ORC1: variants seen among roughly 807,000 people sequenced by gnomAD.
ORC1 encodes origin recognition complex subunit 1, also known as origin recognition complex, subunit 1 homolog.
Under a neutral mutation model 98.9 loss-of-function variants are expected in ORC1, and 61 were observed. That is an observed-to-expected ratio of 0.62 (90% CI 0.50 to 0.76). The LOEUF is 0.76. Ranked by LOEUF, ORC1 falls within the 30% of genes least tolerant of loss-of-function variation. The pLI, the probability that ORC1 is intolerant of heterozygous loss-of-function variation, is 0.00. For missense variants in ORC1, 979 were observed against 1,072.2 expected, an observed-to-expected ratio of 0.91 and a Z score of 1.21; for synonymous variants, 385 against 406.9, an observed-to-expected ratio of 0.95 and a Z score of 0.65.
chr1:52,393,952 G>T, intron 5 of ORC1, 149 bp from the exon 6 acceptor site: 1 of 847,554 alleles, frequency 1.2e-6, no homozygotes. Flanking sequence ...CTCCAGCCCA[G>T]GTAGCTCTAA....
intron 16 of ORC1, 32 bp from the exon 17 acceptor site, chr1:52,373,407 G>C: frequency 6.3e-7 from 1 of 1,577,816 alleles, no homozygotes; most frequent in South Asian, 1.1e-5. Flanking sequence ...AAGGTTAAGA[G>C]GAAATACAAT....
rs192392819 is a variant in ORC1, at chr1:52,373,196, C to T, written c.2571G>A (p.Ala857=). 4.1e-5 allele frequency: 66 copies of T among 1,614,142 alleles called. No homozygotes were observed. The East Asian group carries it at 1.0e-3, about 25-fold the overall frequency. Residue 857 remains alanine (A), a synonymous_variant, in exon 17 of 17, where the codon GCG becomes GCA. Coordinates refer to ENST00000371568, the MANE Select transcript of ORC1 (RefSeq NM_004153.4). The part of the protein sequence containing the change: ...LNVSQDDVLY[A]LKDE Reference sequence around the variant, plus strand: ...TGAAGCCCCTTTACTCGTCTTTCAGCGCATACAGCACATCATCCTGGCTGA... The same window carrying T: ...TGAAGCCCCTTTACTCGTCTTTCAGTGCATACAGCACATCATCCTGGCTGA...
At chr1:52,389,459 T>C in intron 6 of ORC1, 138 bp from the exon 7 acceptor site, 1 of 686,452 alleles carries the variant, frequency 1.5e-6, no homozygotes, top group Admixed American at 2.4e-5. Flanking sequence ...ACTTTCTTTC[T>C]GCTAAAAAGT....
upstream of ORC1, among the ~76,000 whole-genome samples, chr1:52,405,095 C>G (rs1647938821): frequency 6.6e-6 from 1 of 152,198 alleles, no homozygotes; most frequent in African/African-American, 2.4e-5. Flanking sequence ...AAGGCTGTCT[C>G]AGTTGGGTGT....
chr1:52,375,528 G>A lies in ORC1; in HGVS notation c.2205C>T (p.Phe735=). The change falls in exon 15 of 17, where the codon TTC becomes TTT. Residue 735 remains phenylalanine (F), a synonymous_variant. Transcript: ENST00000371568. The part of the protein sequence containing the change: ...ICRRATEICE[F]SQQKPDSPGL... The stretch of plus-strand genomic sequence containing the variant: ...CAGGGGAGTCAGGCTTCTGCTGGGA[G>A]AACTCACAGATCTCTGTGGCACGCC... The A allele has an allele frequency of 6.2e-7, 1 of 1,614,154 alleles. No individual in the cohort carries two copies. The highest frequency in any genetic ancestry group is 8.5e-7 in the Non-Finnish European group (1 of 1,180,008).
rs1156993814 is a variant in ORC1 at position 52,374,752 on chromosome 1, T to A, written c.2391+58A>T. On this transcript the variant is annotated intron_variant, in intron 16 of 16. Coordinates refer to ENST00000371568, the MANE Select transcript of ORC1 (RefSeq NM_004153.4). Reference sequence around the variant, plus strand: ...TGTCACACATTCATGGAAATTTCCATGTATTTTAAAAGCGTAAGTCCAAAA... The same window carrying A: ...TGTCACACATTCATGGAAATTTCCAAGTATTTTAAAAGCGTAAGTCCAAAA... 1.5e-5 allele frequency: 17 copies of A among 1,154,206 alleles called. No homozygotes were observed. The Admixed American group carries it at 3.0e-4, about 20-fold the overall frequency. The allele number at this position is 1,154,206 out of a possible 1,614,324, so 71.5% of individuals were successfully genotyped here. A position where few individuals can be genotyped will look rare whatever the true frequency, so the allele number is the denominator to read the frequency against.
At chr1:52,377,633 G>A (rs1020740299) in intron 14 of ORC1, among the ~76,000 whole-genome samples, 1 of 129,054 alleles carries the variant, frequency 7.7e-6, no homozygotes, top group African/African-American at 2.9e-5. Context: ...AATTTATGTT[G>A]TATTTCCTAC....
At chr1:52,379,201 T>C (rs1229645014) in intron 14 of ORC1, among the ~76,000 whole-genome samples, 4 of 151,392 alleles carry the variant, frequency 2.6e-5, no homozygotes, top group Non-Finnish European at 5.9e-5. Context: ...TTAGTGGTGC[T>C]GGAAAGAGGT....
intron 5 of ORC1, among the ~76,000 whole-genome samples, chr1:52,394,410 G>C (rs1647302957): frequency 6.6e-6 from 1 of 152,182 alleles, no homozygotes. Context: ...TTAAACAAAA[G>C]CTGAATGAGG....
At chr1:52,376,528 C>A (rs544088078) in intron 14 of ORC1, among the ~76,000 whole-genome samples, 1 of 151,968 alleles carries the variant, frequency 6.6e-6, no homozygotes, top group African/African-American at 2.4e-5. Context: ...TCCAAGTAAC[C>A]CAGGACACAA....
chr1:52,409,294 A>G (rs1260305319), upstream of ORC1, among the ~76,000 whole-genome samples: 1 of 152,188 alleles, frequency 6.6e-6, no homozygotes, highest in South Asian at 2.1e-4. Context: ...TTCCCCCTAC[A>G]TGTATCATTA....
chr1:52,402,100 C>T (rs746242296), intron 2 of ORC1, 29 bp downstream of exon 2: 8 of 1,531,768 alleles, frequency 5.2e-6, no homozygotes. Flanking sequence ...GCTGTATTTC[C>T]AGGACAACCA....
rs189568154 is a variant in ORC1, at chr1:52,388,220, C to T, written c.1383+222G>A. Among the ~76,000 whole-genome samples, 380 of 152,194 alleles carry T rather than the reference C, an allele frequency of 2.5e-3. 2 individuals carry two copies. The highest frequency in any genetic ancestry group is 3.9e-3 in the Non-Finnish European group (266 of 68,014). ...AGCTCTTGGCCATCTGATTCTGTAC[C>T]GTAAAAGGGACTTACCTCAAAAATC... On this transcript the variant is annotated intron_variant, in intron 8 of 16. Coordinates refer to ENST00000371568, the MANE Select transcript of ORC1 (RefSeq NM_004153.4).
intron 4 of ORC1, among the ~76,000 whole-genome samples, chr1:52,396,844 C>T (rs1322492054): frequency 1.3e-5 from 2 of 152,164 alleles, no homozygotes; most frequent in African/African-American, 4.8e-5. Flanking sequence ...ATGGCTCCCA[C>T]TGTAGCAAGA....
chr1:52,390,492 C>A (rs1354784439), intron 6 of ORC1, among the ~76,000 whole-genome samples: 1 of 152,238 alleles, frequency 6.6e-6, no homozygotes, highest in South Asian at 2.1e-4. Flanking sequence ...ATTGGCAAGC[C>A]ACATGTAGAA....
chr1:52,406,236 C>A (rs1412860510), upstream of ORC1, among the ~76,000 whole-genome samples: 5 of 149,230 alleles, frequency 3.4e-5, no homozygotes, highest in Admixed American at 3.4e-4. Context: ...TAATCCCCTC[C>A]CCCCCCGGGC....
intron 16 of ORC1, among the ~76,000 whole-genome samples, chr1:52,374,223 C>G (rs1646967908): frequency 6.6e-6 from 1 of 152,140 alleles, no homozygotes; most frequent in African/African-American, 2.4e-5. Context: ...AAATTTTAAA[C>G]AAGAATTTAC....
chr1:52,402,049 T>C (rs1569962475), intron 2 of ORC1, 80 bp downstream of exon 2: 9 of 1,018,652 alleles, frequency 8.8e-6, no homozygotes, highest in Non-Finnish European at 1.1e-5. Flanking sequence ...TCTGTAGTAA[T>C]TAGAACAGGC....
At chr1:52,382,572 CTTTTT>C (rs3049207) in intron 13 of ORC1, among the ~76,000 whole-genome samples, 2 of 107,414 alleles carry the variant, frequency 1.9e-5, no homozygotes. Flanking sequence ...AGTGCTAAAA[CTTTTT>C]TTTTTTTTTT....
Sources: allele counts gnomAD v4.1 joint callset (sites outside exome capture counted in the v4.1 genomes callset), GRCh38; gene constraint gnomAD v4.1.1; transcripts MANE v1.5; gene names NCBI Gene and HGNC (gene_info 2026-07-23, HGNC 2026-07-21).